The following RNF212 variants were observed in gnomAD, a reference collection of about 807,000 sequenced individuals.
RNF212 encodes probable E3 SUMO-protein ligase RNF212.
In RNF212, 33 loss-of-function variants were observed where a neutral mutation model predicts 34.7. The observed-to-expected ratio is 0.95, with a 90% CI of 0.72 to 1.27. RNF212 has a LOEUF of 1.27. RNF212 is among the 50% of genes most tolerant of loss of function. The probability of loss-of-function intolerance (pLI) is 0.00; values close to 1 mark genes in which losing one functional copy is unlikely to be tolerated. For synonymous variants in RNF212, 140 were observed against 136.1 expected (o/e 1.03, Z -0.20); for missense variants, 377 against 362.2 (o/e 1.04, Z -0.33).
chr4:1,078,445 C>T (rs1368735593), intron 8 of RNF212, among the ~76,000 whole-genome samples: 4 of 152,182 alleles, frequency 2.6e-5, no homozygotes, highest in African/African-American at 9.7e-5. Flanking sequence ...GGACAGACGA[C>T]GGGAGAGCCG....
Position 1,113,495 on chromosome 4 carries a change from G to A in RNF212, c.-31C>T. ...GCGGGCGACCGCAGCGGCGAGGCCG[G>A]GCCCACGCGAAGCCCACGCAAGGTT... is the stretch of plus-strand genomic sequence containing the variant. On this transcript the variant is annotated 5_prime_UTR_variant, in exon 1 of 10. Transcript: ENST00000433731. 1 of 1,578,372 alleles carries A rather than the reference G, an allele frequency of 6.3e-7. No homozygotes were observed. Among genetic ancestry groups the A allele is most frequent in the Non-Finnish European group, 8.7e-7 (1 of 1,155,788 alleles).
intron 1 of RNF212, among the ~76,000 whole-genome samples, chr4:1,109,462 C>T (rs777328973): frequency 1.6e-4 from 25 of 152,308 alleles, no homozygotes; most frequent in Non-Finnish European, 3.4e-4. Flanking sequence ...GACATCAGGT[C>T]CAAACCTGAA....
intron 2 of RNF212, among the ~76,000 whole-genome samples, chr4:1,102,632 C>T (rs956146343): frequency 3.3e-5 from 5 of 150,074 alleles, no homozygotes; most frequent in Non-Finnish European, 7.4e-5. Context: ...GCAGGCAGAT[C>T]ACGAGGTCAG....
chr4:1,073,332 G>T, intron 9 of RNF212, 139 bp from the exon 10 acceptor site: 2 of 1,209,978 alleles, frequency 1.7e-6, no homozygotes, highest in Non-Finnish European at 2.3e-6. Flanking sequence ...CAAACCCAGT[G>T]ACACTATTTT....
At chr4:1,109,653 C>G (rs1288645578) in intron 1 of RNF212, among the ~76,000 whole-genome samples, 1 of 152,202 alleles carries the variant, frequency 6.6e-6, no homozygotes, top group African/African-American at 2.4e-5. Context: ...TGGGGCTGCT[C>G]AAACCAGGGC....
intron 3 of RNF212, among the ~76,000 whole-genome samples, chr4:1,060,711 T>G (rs1268594024): frequency 6.6e-6 from 1 of 152,260 alleles, no homozygotes; most frequent in Admixed American, 6.5e-5. Context: ...GCAGCCTGTT[T>G]CCCTGTGATG....
chr4:1,081,599 G>A lies in RNF212; in HGVS notation c.383C>T (p.Thr128Ile), dbSNP rs533456660. Residue 128 changes from threonine to isoleucine, a missense_variant, in exon 6 of 10, where the codon ACA (threonine) becomes ATA (isoleucine). By Grantham distance (89) the Thr-to-Ile change is moderately conservative. Transcript: ENST00000433731. ...QLQSMRSSQQTAFSTIKSSVS... is the reference protein window; with the variant it reads ...QLQSMRSSQQIAFSTIKSSVS... ...TGAACTTTTTATTGTGCTGAAAGCTGTTTGTTGTGATGATCTCATACTAAA... is the reference window on the plus strand; with the variant it reads ...TGAACTTTTTATTGTGCTGAAAGCTATTTGTTGTGATGATCTCATACTAAA... 2 of 1,610,532 alleles carry A rather than the reference G, an allele frequency of 1.2e-6. No homozygotes were observed. The highest frequency in any genetic ancestry group is 2.2e-5 in the South Asian group (2 of 90,994).
rs1721110637 is a variant in RNF212 at position 1,086,050 on chromosome 4, T to C, written c.304-96A>G. 1.2e-4 allele frequency: 107 copies of C among 903,248 alleles called. 1 individual carries two copies. The South Asian group carries it at 1.4e-3, about 12-fold the overall frequency. 56.0% of individuals were successfully genotyped at this position (903,248 alleles called of 1,614,324 possible). On this transcript the variant is annotated intron_variant, in intron 4 of 9. Coordinates refer to ENST00000433731, the MANE Select transcript of RNF212 (RefSeq NM_001131034.4). Reference sequence around the variant, plus strand: ...TTAAACCTTGAATCAGAATGTGGGTTACTCTGCATGGAGTTGCCCTCACGC... The same window carrying C: ...TTAAACCTTGAATCAGAATGTGGGTCACTCTGCATGGAGTTGCCCTCACGC...
chr4:1,090,744 C>CA, intron 4 of RNF212, 38 bp downstream of exon 4: 1 of 1,194,260 alleles, frequency 8.4e-7, no homozygotes. Context: ...ATCTAAAGGT[C>CA]AAAAAAATTC....
At chr4:1,103,855 C>G (rs546841183) in intron 2 of RNF212, among the ~76,000 whole-genome samples, 1 of 152,288 alleles carries the variant, frequency 6.6e-6, no homozygotes, top group Non-Finnish European at 1.5e-5. Context: ...ACCGTTTCTC[C>G]TCAGCACTGT....
At chr4:1,109,695 C>T (rs1445286500) in intron 1 of RNF212, among the ~76,000 whole-genome samples, 5 of 152,164 alleles carry the variant, frequency 3.3e-5, no homozygotes, top group Non-Finnish European at 5.9e-5. Context: ...GCAGCCCTGG[C>T]TCATGACCTA....
intron 3 of RNF212, among the ~76,000 whole-genome samples, chr4:1,065,351 G>C (rs1718024023): frequency 6.6e-6 from 1 of 152,188 alleles, no homozygotes; most frequent in African/African-American, 2.4e-5. Flanking sequence ...GAAAACATCT[G>C]CAGACCAAAT....
intron 3 of RNF212, among the ~76,000 whole-genome samples, chr4:1,095,160 C>T (rs1479377147): frequency 9.2e-5 from 12 of 130,750 alleles, no homozygotes; most frequent in Admixed American, 1.5e-4. Flanking sequence ...AGCACGCCCC[C>T]CACAGCTCCA....
At chr4:1,097,901 T>A (rs1291925819) in intron 2 of RNF212, among the ~76,000 whole-genome samples, 2 of 151,792 alleles carry the variant, frequency 1.3e-5, no homozygotes, top group African/African-American at 4.8e-5. Flanking sequence ...CCCATCTCTA[T>A]CAAAAATACA....
chr4:1,088,338 G>T (rs1436721331), intron 4 of RNF212, among the ~76,000 whole-genome samples: 1 of 152,176 alleles, frequency 6.6e-6, no homozygotes, highest in East Asian at 1.9e-4. Context: ...GTGGAACTTT[G>T]AACTTGAAAA....
In RNF212 at chr4:1,090,780, A is replaced by C; in HGVS notation, c.303+2T>G. Reference sequence around the variant, plus strand: ...AAGTGGCAATGAATCAATTCCACTTACCTTTTCTCTATAGAAGGCTAACAA... The same window carrying C: ...AAGTGGCAATGAATCAATTCCACTTCCCTTTTCTCTATAGAAGGCTAACAA... On this transcript the variant is annotated splice_donor_variant, in intron 4 of 9. Transcript: ENST00000433731. LOFTEE classifies it high-confidence loss of function. The C allele has an allele frequency of 6.5e-7, 1 of 1,539,806 alleles. No homozygotes were observed. Among genetic ancestry groups the C allele is most frequent in the Non-Finnish European group, 9.0e-7 (1 of 1,114,682 alleles).
intron 3 of RNF212, chr4:1,093,851 G>C (rs780351099): frequency 1.3e-6 from 2 of 1,536,196 alleles, no homozygotes; most frequent in East Asian, 4.9e-5. Context: ...CTGGCTCTGG[G>C]ACCGCCGGCA....
intron 3 of RNF212, among the ~76,000 whole-genome samples, chr4:1,064,146 T>C (rs899210251): frequency 6.6e-6 from 1 of 152,130 alleles, no homozygotes; most frequent in Non-Finnish European, 1.5e-5. Flanking sequence ...TTAAGAAACA[T>C]AAGTTTAATT....
At chr4:1,099,425 AAGTG>A (rs1273450994) in intron 2 of RNF212, among the ~76,000 whole-genome samples, 2 of 152,134 alleles carry the variant, frequency 1.3e-5, no homozygotes, top group African/African-American at 4.8e-5. Context: ...GGGAAAATCT[AAGTG>A]AGTATTAACT....
Sources: allele counts gnomAD v4.1 joint callset (sites outside exome capture counted in the v4.1 genomes callset), GRCh38; gene constraint gnomAD v4.1.1; transcripts MANE v1.5; gene names NCBI Gene and HGNC (gene_info 2026-07-23, HGNC 2026-07-21).